The following USF1 variants were observed in gnomAD, a reference collection of about 807,000 sequenced individuals.
The protein encoded by USF1 is upstream stimulatory factor 1.
Under a neutral mutation model 46.3 loss-of-function variants are expected in USF1, and 22 were observed. That is an observed-to-expected ratio of 0.47 (90% CI 0.34 to 0.68). The LOEUF is 0.68. USF1 is among the 30% of genes least tolerant of loss of function. The probability of loss-of-function intolerance (pLI) is 0.01; values close to 1 mark genes in which losing one functional copy is unlikely to be tolerated. For missense variants in USF1, 287 were observed against 399.3 expected (o/e 0.72, Z 2.40); for synonymous variants, 150 against 147.0 (o/e 1.02, Z -0.15).
rs1650464217 is a variant in USF1 at position 161,040,086 on chromosome 1, C to T, written c.844-77G>A. On this transcript the variant is annotated intron_variant, in intron 10 of 10. Transcript: ENST00000368021. The surrounding 1 kb of genome is among the most constrained non-coding windows in gnomAD (Gnocchi z 4.0). ...CAAGCCCCTGAATGTATTCAGACAT[C>T]CACTGGTGAGGGGGAAAAGATGAAG... 2 of 1,610,776 alleles carry T rather than the reference C, an allele frequency of 1.2e-6. No individual in the cohort carries two copies. Among genetic ancestry groups the T allele is most frequent in the African/African-American group, 1.3e-5 (1 of 74,782 alleles).
intron 5 of USF1, 56 bp downstream of exon 5, chr1:161,042,056 ATTCC>A: frequency 1.3e-6 from 2 of 1,536,934 alleles, no homozygotes; most frequent in South Asian, 2.4e-5. Context: ...CATCCTACTG[ATTCC>A]CTTCTTCATC....
At chr1:161,044,752 G>C (rs1006945833) in intron 1 of USF1, among the ~76,000 whole-genome samples, 12 of 151,380 alleles carry the variant, frequency 7.9e-5, no homozygotes, top group Non-Finnish European at 1.5e-4. Flanking sequence ...TACAAGCTCT[G>C]CCTTAGGACC....
At position 161,042,602 on chromosome 1, in the gene USF1, G is replaced by A; in HGVS notation, c.127C>T (p.Pro43Ser). 1 of 1,614,218 alleles carries A rather than the reference G, an allele frequency of 6.2e-7. No homozygotes were observed. Among genetic ancestry groups the A allele is most frequent in the Non-Finnish European group, 8.5e-7 (1 of 1,180,036 alleles). The change falls in exon 4 of 11, where the codon CCT becomes TCT. Residue 43 changes from proline to serine, a missense_variant. Physicochemically the swap from Pro to Ser is moderately conservative, Grantham distance 74. Coordinates refer to ENST00000368021, the MANE Select transcript of USF1 (RefSeq NM_007122.5). ...AAGACGTACTTGACGTTGGGGTCAG[G>A]GAAGGTGGCAGCTGACTGGATGCTG... ...IASIQSAATF[P>S]DPNVKYVFRT...
intron 2 of USF1, 104 bp downstream of exon 2, chr1:161,043,164 C>G: frequency 6.3e-7 from 1 of 1,593,994 alleles, no homozygotes; most frequent in Non-Finnish European, 8.6e-7. Flanking sequence ...TAGAGTAGAA[C>G]CTGAATCCAG....
At position 161,039,516 on chromosome 1, in the gene USF1, C is replaced by A. The variant is rs1650429441; in HGVS notation, c.*404G>T. On this transcript the variant is annotated 3_prime_UTR_variant, in exon 11 of 11. Transcript: ENST00000368021. ...CAGGTTGCACATCTAAACCTCAGCT[C>A]CAGGGAAAGGAAGAACCAATGGAAG... 1 of 192,230 alleles carries A rather than the reference C, an allele frequency of 5.2e-6. No homozygotes were observed. Among genetic ancestry groups the A allele is most frequent in the Non-Finnish European group, 1.1e-5 (1 of 92,622 alleles). 11.9% of individuals were successfully genotyped at this position (192,230 alleles called of 1,614,324 possible). A position where few individuals can be genotyped will look rare whatever the true frequency, so the allele number is the denominator to read the frequency against.
Position 161,040,294 on chromosome 1 carries a change from T to C in USF1, c.751A>G (p.Ile251Val). The change falls in exon 10 of 11, where the codon ATC becomes GTC. Residue 251 changes from isoleucine (I) to valine (V), a missense_variant. Physicochemically the swap from Ile to Val is conservative, Grantham distance 29. Transcript: ENST00000368021. The surrounding 1 kb of genome is among the most constrained non-coding windows in gnomAD (Gnocchi z 4.0). ...TGGTTACTCTGCCGAAGCTCCTGGA[T>C]ATAATCACAAGCTTTGGATAGAATC... ...GGILSKACDYIQELRQSNHRL... is the reference protein window; with the variant it reads ...GGILSKACDYVQELRQSNHRL... 6.2e-7 allele frequency: 1 copy of C among 1,614,160 alleles called. No homozygotes were observed. The highest frequency in any genetic ancestry group is 1.1e-5 in the South Asian group (1 of 91,084).
chr1:161,041,558 A>C, intron 6 of USF1, 93 bp downstream of exon 6: 6 of 1,516,676 alleles, frequency 4.0e-6, no homozygotes, highest in Non-Finnish European at 4.5e-6. Context: ...CTTAATGATC[A>C]CTAAGAGTCA....
In USF1 at chr1:161,041,734, C is replaced by G. The variant is rs777731125; in HGVS notation, c.389G>C (p.Gly130Ala). The change falls in exon 6 of 11, where the codon GGT becomes GCT. Residue 130 changes from glycine (G) to alanine (A), a missense_variant. Gly to Ala is a moderately conservative substitution (Grantham distance 60). Coordinates refer to ENST00000368021, the MANE Select transcript of USF1 (RefSeq NM_007122.5). ...PSTAVGDGAG[G>A]TTSGSTAAVV... ...AGCAGCTGTACTCCCCGATGTGGTA[C>G]CCCCTGCCCCATCTCCCACTGCCGT... 5 of 1,614,092 alleles carry G rather than the reference C, an allele frequency of 3.1e-6. No homozygotes were observed. In the African/African-American group the frequency reaches 6.7e-5, roughly 22 times the overall value.
Position 161,040,492 on chromosome 1 carries a change from G to A in USF1, c.714+84C>T. 1.3e-6 allele frequency: 2 copies of A among 1,563,672 alleles called. No homozygotes were observed. Among genetic ancestry groups the A allele is most frequent in the South Asian group, 1.2e-5 (1 of 86,340 alleles). The stretch of plus-strand genomic sequence containing the variant: ...GGGAGAGATAAGACTACTGTCATGT[G>A]TGCCCCTCTCTCTACCATTTCTGGA... On this transcript the variant is annotated intron_variant, in intron 9 of 10. Transcript: ENST00000368021. The surrounding 1 kb of genome is among the most constrained non-coding windows in gnomAD (Gnocchi z 4.0).
At position 161,042,134 on chromosome 1, in the gene USF1, G is replaced by C. The variant is rs151164868; in HGVS notation, c.258C>G (p.Ala86=). The C allele has an allele frequency of 1.2e-6, 2 of 1,613,414 alleles. No individual in the cohort carries two copies. The highest frequency in any genetic ancestry group is 1.7e-6 in the Non-Finnish European group (2 of 1,179,774). ...EGTGAISGYP[A]TQSMTQAVIQ... ...CCTGTACCTGGGTCATGGATTGAGTGGCAGGGTAGCCACTGATGGCGCCAG... is the reference window on the plus strand; with the variant it reads ...CCTGTACCTGGGTCATGGATTGAGTCGCAGGGTAGCCACTGATGGCGCCAG... The change falls in exon 5 of 11, where the codon GCC becomes GCG. Residue 86 remains alanine, a synonymous_variant. Transcript: ENST00000368021.
intron 1 of USF1, among the ~76,000 whole-genome samples, chr1:161,043,935 ATTTC>A (rs1650688226): frequency 8.5e-6 from 1 of 117,594 alleles, no homozygotes; most frequent in Admixed American, 9.1e-5. Context: ...GAAACAACAC[ATTTC>A]TTTCTTTTTT....
In USF1 at chr1:161,040,934, T is replaced by C; in HGVS notation, c.561-62A>G. 1 of 1,606,342 alleles carries C rather than the reference T, an allele frequency of 6.2e-7. No individual in the cohort carries two copies. The highest frequency in any genetic ancestry group is 8.5e-7 in the Non-Finnish European group (1 of 1,174,692). On this transcript the variant is annotated intron_variant, in intron 7 of 10. Transcript: ENST00000368021. This position sits in a 1 kb window ranked among gnomAD's most constrained non-coding sequence, Gnocchi z 4.0. The stretch of plus-strand genomic sequence containing the variant: ...CAAAATACATGATTGAAGTTTGGGG[T>C]TAAGGAATTATACAAGATTTAGCAG...
chr1:161,040,740 A>T lies in USF1; in HGVS notation c.620-70T>A, dbSNP rs962219023. ...CACAAGTCCCAGGGTAAAATTACCT[A>T]ATCCCTCCTCCCCTCAGACATCACT... On this transcript the variant is annotated intron_variant, in intron 8 of 10. Coordinates refer to ENST00000368021, the MANE Select transcript of USF1 (RefSeq NM_007122.5). The surrounding 1 kb of genome is among the most constrained non-coding windows in gnomAD (Gnocchi z 4.0). The T allele has an allele frequency of 3.1e-6, 5 of 1,613,084 alleles. No individual in the cohort carries two copies. In the African/African-American group the frequency reaches 5.3e-5, roughly 17 times the overall value.
In USF1 at chr1:161,040,289, C is replaced by G; in HGVS notation, c.756G>C (p.Gln252His). 4 of 1,614,164 alleles carry G rather than the reference C, an allele frequency of 2.5e-6. No homozygotes were observed. The highest frequency in any genetic ancestry group is 3.4e-6 in the Non-Finnish European group (4 of 1,180,032). ...AGCGGTGGTTACTCTGCCGAAGCTC[C>G]TGGATATAATCACAAGCTTTGGATA... ...GILSKACDYI[Q>H]ELRQSNHRLS... Residue 252 changes from glutamine to histidine, a missense_variant, in exon 10 of 11, where the codon CAG becomes CAC. By Grantham distance (24) the Gln-to-His change is conservative (BLOSUM62 0). Transcript: ENST00000368021. The surrounding 1 kb of genome is among the most constrained non-coding windows in gnomAD (Gnocchi z 4.0).
chr1:161,042,395 C>G (rs543828227), intron 4 of USF1, among the ~76,000 whole-genome samples, 160 bp downstream of exon 4: 26 of 152,308 alleles, frequency 1.7e-4, no homozygotes, highest in Admixed American at 5.2e-4. Context: ...ATACATCTAA[C>G]CTCACACCAG....
chr1:161,042,033 C>T (rs1451243042), intron 5 of USF1, 83 bp downstream of exon 5: 1 of 1,471,892 alleles, frequency 6.8e-7, no homozygotes, highest in East Asian at 2.3e-5. Context: ...CTCACTGTTC[C>T]TAGCTTCACC....
chr1:161,040,688 G>A lies in USF1; in HGVS notation c.620-18C>T. On this transcript the variant is annotated intron_variant, in intron 8 of 10. Coordinates refer to ENST00000368021, the MANE Select transcript of USF1 (RefSeq NM_007122.5). This position sits in a 1 kb window ranked among gnomAD's most constrained non-coding sequence, Gnocchi z 4.0. ...ACGCTCCACTGTGGGGCAAAGTGGA[G>A]GACAAGGTGACTCAGTGAAAACTCG... The A allele has an allele frequency of 1.9e-6, 3 of 1,611,146 alleles. No individual in the cohort carries two copies. The highest frequency in any genetic ancestry group is 1.6e-4 in the Middle Eastern group (1 of 6,062).
Position 161,045,914 on chromosome 1 carries a change from C to T in USF1, c.-142G>A, listed in dbSNP as rs1340490804. On this transcript the variant is annotated 5_prime_UTR_variant, in exon 1 of 11. Coordinates refer to ENST00000368021, the MANE Select transcript of USF1 (RefSeq NM_007122.5). Reference sequence around the variant, plus strand: ...CCAACTGTGTTCTCCCTCTCCCGGCCTAGGTATCTCCATAGACAGCTGCTC... The same window carrying T: ...CCAACTGTGTTCTCCCTCTCCCGGCTTAGGTATCTCCATAGACAGCTGCTC... 1 of 152,380 alleles carries T rather than the reference C, an allele frequency of 6.6e-6. No individual in the cohort carries two copies. 9.4% of individuals were successfully genotyped at this position (152,380 alleles called of 1,614,324 possible).
intron 5 of USF1, 67 bp downstream of exon 5, chr1:161,042,049 C>G (rs1650587376): frequency 6.6e-7 from 1 of 1,519,322 alleles, no homozygotes; most frequent in African/African-American, 1.4e-5. Context: ...TCACCCCCAT[C>G]CTACTGATTC....
Sources: gnomAD v4.1 joint callset for allele counts (sites outside exome capture counted in the v4.1 genomes callset) on GRCh38, gnomAD v4.1.1 for gene constraint, Gnocchi (gnomAD v3.1) non-coding constraint, MANE v1.5 for transcripts, NCBI Gene and HGNC (gene_info 2026-07-23, HGNC 2026-07-21) for gene names.